Variants in NYAP2 observed in about 807,000 individuals in gnomAD.
The protein encoded by NYAP2 is neuronal tyrosine-phosphorylated phosphoinositide-3-kinase adaptor 2.
In NYAP2, 23 loss-of-function variants were observed where a neutral mutation model predicts 50.4. The observed-to-expected ratio is 0.46, with a 90% CI of 0.33 to 0.65. The LOEUF is 0.65. Among genes scored for constraint, NYAP2 ranks in the 30% least tolerant of loss-of-function variants. NYAP2 has a pLI of 0.02. For synonymous variants in NYAP2, 394 were observed against 365.2 expected (o/e 1.08, Z -0.90); for missense variants, 885 against 861.0 (o/e 1.03, Z -0.35).
chr2:225,542,455 T>G (rs113165453), intron 4 of NYAP2, among the ~76,000 whole-genome samples: 4,194 of 152,196 alleles, frequency 0.028, 183 homozygotes, highest in African/African-American at 0.094. Context: ...CTACACCCAG[T>G]TTTTTGAGTT....
At chr2:225,478,890 T>A (rs1559191008) in intron 3 of NYAP2, among the ~76,000 whole-genome samples, 1 of 152,212 alleles carries the variant, frequency 6.6e-6, no homozygotes, top group Non-Finnish European at 1.5e-5. Context: ...ATCTGAATAT[T>A]GTGCAAGGAT....
intron 4 of NYAP2, among the ~76,000 whole-genome samples, chr2:225,578,624 G>C (rs1160278351): frequency 6.6e-6 from 1 of 152,198 alleles, no homozygotes; most frequent in Non-Finnish European, 1.5e-5. Flanking sequence ...AGCATCGCCA[G>C]ATGTAGCCAG....
chr2:225,543,058 T>C (rs1691505935), intron 4 of NYAP2, among the ~76,000 whole-genome samples: 1 of 152,052 alleles, frequency 6.6e-6, no homozygotes. Flanking sequence ...CTATTGTTGC[T>C]CATAGTAACC....
rs774623727 is a variant in NYAP2 at position 225,582,674 on chromosome 2, G to T, written c.1257G>T (p.Thr419=). Reference sequence around the variant, plus strand: ...CCTCGTCGCCCCCACCCCCGTCTACGCTGTACCGAACCCAGTCTCCCCATG... The same window carrying T: ...CCTCGTCGCCCCCACCCCCGTCTACTCTGTACCGAACCCAGTCTCCCCATG... The change falls in exon 5 of 7, where the codon ACG becomes ACT. Residue 419 remains threonine (T), a synonymous_variant. Transcript: ENST00000636099. This position sits in a 1 kb window ranked among gnomAD's most constrained non-coding sequence, Gnocchi z 7.0. 12 of 1,598,948 alleles carry T rather than the reference G, an allele frequency of 7.5e-6. No individual in the cohort carries two copies. Among genetic ancestry groups the T allele is most frequent in the Admixed American group, 6.8e-5 (4 of 58,798 alleles).
the NYAP2 span, among the ~76,000 whole-genome samples, chr2:225,676,821 A>G: frequency 6.6e-6 from 1 of 152,174 alleles, no homozygotes; most frequent in South Asian, 2.1e-4. Flanking sequence ...GCCTTATAGT[A>G]TAGTTTGAAG....
At chr2:225,440,828 G>C (rs1689457991) in intron 3 of NYAP2, among the ~76,000 whole-genome samples, 1 of 152,190 alleles carries the variant, frequency 6.6e-6, no homozygotes. Flanking sequence ...AGTTTGCCTA[G>C]AATTTTGAGA....
At chr2:225,399,635 T>A (rs2106113295), upstream of NYAP2, 1 of 152,130 alleles carries the variant, frequency 6.6e-6, no homozygotes, top group Middle Eastern at 3.4e-3. Context: ...TGGGAGCAGG[T>A]GGCATGAAGC....
chr2:225,547,077 C>T (rs1225150728), intron 4 of NYAP2, among the ~76,000 whole-genome samples: 1 of 152,078 alleles, frequency 6.6e-6, no homozygotes. Context: ...GAAAAAAGTC[C>T]TCTTTACTCT....
At chr2:225,522,450 C>G (rs1467615211) in intron 4 of NYAP2, among the ~76,000 whole-genome samples, 2 of 152,116 alleles carry the variant, frequency 1.3e-5, no homozygotes, top group Non-Finnish European at 2.9e-5. Context: ...TATTTGCAAT[C>G]ATGGTTGTTG....
At chr2:225,513,339 C>T in intron 3 of NYAP2, 32 bp from the exon 4 acceptor site, 1 of 1,608,752 alleles carries the variant, frequency 6.2e-7, no homozygotes, top group Non-Finnish European at 8.5e-7. Flanking sequence ...CTCCTTTTGT[C>T]TTCATGGTTT....
intron 3 of NYAP2, among the ~76,000 whole-genome samples, chr2:225,451,135 T>C (rs1379707437): frequency 1.3e-5 from 2 of 152,124 alleles, no homozygotes; most frequent in Non-Finnish European, 2.9e-5. Context: ...AACCAGATTG[T>C]AGAAGGATTT....
In NYAP2 at chr2:225,563,617, T is replaced by C. The variant is rs1691911978; in HGVS notation, c.524-18324T>C. 2.0e-5 allele frequency among the ~76,000 whole-genome samples: 3 copies of C among 152,112 alleles called. No homozygotes were observed. The South Asian group carries it at 6.2e-4, about 32-fold the overall frequency. ...ATTACAGTATTTACAATTTTATATA[T>C]GAAGGATCTTCATAGTGATCACAAA... is the stretch of plus-strand genomic sequence containing the variant. On this transcript the variant is annotated intron_variant, in intron 4 of 6. Transcript: ENST00000636099.
intron 3 of NYAP2, among the ~76,000 whole-genome samples, chr2:225,465,710 T>G (rs1689905206): frequency 6.6e-6 from 1 of 151,410 alleles, no homozygotes; most frequent in African/African-American, 2.5e-5. Context: ...TATGAGACTC[T>G]GTCTCAAAAA....
chr2:225,436,496 G>C (rs1689379384), intron 3 of NYAP2, among the ~76,000 whole-genome samples: 1 of 151,944 alleles, frequency 6.6e-6, no homozygotes, highest in Non-Finnish European at 1.5e-5. Flanking sequence ...ATTTCCCTTT[G>C]TAATAACGAC....
At chr2:225,465,620 G>T (rs1228362927) in intron 3 of NYAP2, among the ~76,000 whole-genome samples, 1 of 152,138 alleles carries the variant, frequency 6.6e-6, no homozygotes, top group Non-Finnish European at 1.5e-5. Flanking sequence ...GGAGGCTGAG[G>T]CAGGAGAATC....
At chr2:225,407,380 A>G (rs16866581) in intron 2 of NYAP2, among the ~76,000 whole-genome samples, 5,494 of 152,098 alleles carry the variant, frequency 0.036, 322 homozygotes, top group African/African-American at 0.12. Flanking sequence ...AAAACATACA[A>G]AAACTTAACA....
intron 3 of NYAP2, among the ~76,000 whole-genome samples, chr2:225,507,152 A>G (rs1690721566): frequency 6.6e-6 from 1 of 152,196 alleles, no homozygotes; most frequent in Admixed American, 6.5e-5. Flanking sequence ...ATCATTATCT[A>G]GCTATCAGTC....
chr2:225,507,312 C>G (rs745893784), intron 3 of NYAP2, among the ~76,000 whole-genome samples: 31 of 152,186 alleles, frequency 2.0e-4, no homozygotes, highest in Non-Finnish European at 4.3e-4. Flanking sequence ...GATGATGTCT[C>G]ACCTCAGCAG....
intron 3 of NYAP2, among the ~76,000 whole-genome samples, chr2:225,457,117 C>CCATAT (rs779637962): frequency 1.3e-5 from 2 of 152,188 alleles, no homozygotes; most frequent in Non-Finnish European, 2.9e-5. Flanking sequence ...TTTATCGAGC[C>CCATAT]CATATCATGT....
Sources: allele counts gnomAD v4.1 joint callset (sites outside exome capture counted in the v4.1 genomes callset), GRCh38; gene constraint gnomAD v4.1.1; non-coding constraint Gnocchi (gnomAD v3.1); transcripts MANE v1.5; gene names NCBI Gene and HGNC (gene_info 2026-07-23, HGNC 2026-07-21).